PRKCA: variants seen among roughly 807,000 people sequenced by gnomAD.
The protein encoded by PRKCA is protein kinase C alpha type.
A neutral mutation model predicts 87.0 loss-of-function variants in PRKCA; 27 were observed. That is an observed-to-expected ratio of 0.31 (90% CI 0.23 to 0.43). PRKCA has a LOEUF of 0.43. Among genes scored for constraint, PRKCA ranks in the 20% least tolerant of loss-of-function variants. PRKCA has a pLI of 1.00. For missense variants in PRKCA, 518 were observed against 852.3 expected (o/e 0.61, Z 4.88); for synonymous variants, 329 against 311.1 (o/e 1.06, Z -0.61).
At chr17:66,764,996 T>TG (rs1288250854) in intron 13 of PRKCA, among the ~76,000 whole-genome samples, 4 of 152,104 alleles carry the variant, frequency 2.6e-5, no homozygotes, top group African/African-American at 9.7e-5. Flanking sequence ...TAGGAGCCGG[T>TG]GGAATTCAGA....
At chr17:66,309,318 C>T (rs1371284552) in intron 2 of PRKCA, among the ~76,000 whole-genome samples, 6 of 152,156 alleles carry the variant, frequency 3.9e-5, no homozygotes, top group Non-Finnish European at 8.8e-5. Context: ...TAGAGAATGG[C>T]ATCTTACAAG....
Position 66,803,968 on chromosome 17 carries a change from G to T in PRKCA, c.1950G>T (p.Gln650His), listed in dbSNP as rs1412397562. Reference sequence around the variant, plus strand: ...AGCTGGTTATTGCTAACATAGACCAGTCTGATTTTGAAGGGTTCTCGTATG... The same window carrying T: ...AGCTGGTTATTGCTAACATAGACCATTCTGATTTTGAAGGGTTCTCGTATG... ...PDQLVIANIDQSDFEGFSYVN... is the reference protein window; with the variant it reads ...PDQLVIANIDHSDFEGFSYVN... Residue 650 changes from glutamine to histidine, a missense_variant, in exon 17 of 17, where the codon CAG becomes CAT. Transcript: ENST00000413366. The surrounding 1 kb of genome is among the most constrained non-coding windows in gnomAD (Gnocchi z 4.4). 1.2e-6 allele frequency: 2 copies of T among 1,614,078 alleles called. No individual in the cohort carries two copies. Among genetic ancestry groups the T allele is most frequent in the Admixed American group, 3.3e-5 (2 of 60,022 alleles).
At chr17:66,460,744 C>T (rs1476897515) in intron 2 of PRKCA, among the ~76,000 whole-genome samples, 1 of 152,112 alleles carries the variant, frequency 6.6e-6, no homozygotes, top group Non-Finnish European at 1.5e-5. Flanking sequence ...AACTGCGTCC[C>T]CATTATTTGA....
Position 66,732,005 on chromosome 17 carries a change from G to A in PRKCA, c.919-683G>A, listed in dbSNP as rs545250453. On this transcript the variant is annotated intron_variant, in intron 8 of 16. Transcript: ENST00000413366. ...GGGTTTCACCATGTTGGCCAGGCTG[G>A]TCTCAAACTCCAGACCTCAGGTGAT... Among the ~76,000 whole-genome samples the A allele has an allele frequency of 3.3e-5, 5 of 151,106 alleles. No individual in the cohort carries two copies. In the East Asian group the frequency reaches 7.8e-4, roughly 24 times the overall value.
chr17:66,582,866 C>A (rs1002061032), intron 3 of PRKCA, among the ~76,000 whole-genome samples: 1 of 152,124 alleles, frequency 6.6e-6, no homozygotes, highest in Non-Finnish European at 1.5e-5. Context: ...TGCATTCCAC[C>A]CTCAGCTGAG....
intron 2 of PRKCA, among the ~76,000 whole-genome samples, chr17:66,372,687 A>C (rs755470983): frequency 6.6e-6 from 1 of 152,152 alleles, no homozygotes. Flanking sequence ...AATGAATTGA[A>C]TGGGGGAGCC....
At chr17:66,483,645 T>G (rs1439614304) in intron 2 of PRKCA, among the ~76,000 whole-genome samples, 1 of 151,892 alleles carries the variant, frequency 6.6e-6, no homozygotes, top group Non-Finnish European at 1.5e-5. Flanking sequence ...GTATTTTTAG[T>G]AGAGACAGGG....
chr17:66,711,217 C>G (rs985858543), intron 8 of PRKCA, among the ~76,000 whole-genome samples: 1 of 152,116 alleles, frequency 6.6e-6, no homozygotes, highest in Non-Finnish European at 1.5e-5. Flanking sequence ...TAATATCTTT[C>G]AATCACATAT....
intron 3 of PRKCA, among the ~76,000 whole-genome samples, chr17:66,596,788 A>T (rs1969994610): frequency 1.4e-5 from 1 of 71,100 alleles, no homozygotes; most frequent in Admixed American, 1.6e-4. Flanking sequence ...TGTCCATGTG[A>T]TCTCATTGTT....
At chr17:66,407,845 A>G (rs929799782) in intron 2 of PRKCA, among the ~76,000 whole-genome samples, 1 of 152,208 alleles carries the variant, frequency 6.6e-6, no homozygotes, top group African/African-American at 2.4e-5. Flanking sequence ...TTTATTCTTG[A>G]ACATTGCAAG....
chr17:66,435,433 T>C (rs1359528760), intron 2 of PRKCA, among the ~76,000 whole-genome samples: 1 of 152,208 alleles, frequency 6.6e-6, no homozygotes, highest in Non-Finnish European at 1.5e-5. Context: ...GTGGGTGTGA[T>C]GGTGCTTGTG....
chr17:66,384,010 A>G (rs1909913305), intron 2 of PRKCA, among the ~76,000 whole-genome samples: 1 of 152,110 alleles, frequency 6.6e-6, no homozygotes, highest in South Asian at 2.1e-4. Flanking sequence ...ATATTTAGGT[A>G]TGCTAGGACT....
chr17:66,551,094 ACT>A (rs201280144), intron 3 of PRKCA, among the ~76,000 whole-genome samples: 1,889 of 152,172 alleles, frequency 0.012, 12 homozygotes, highest in South Asian at 0.037. Flanking sequence ...ACAAGGTCTC[ACT>A]CTGTCACCCA....
intron 6 of PRKCA, among the ~76,000 whole-genome samples, chr17:66,687,751 C>T (rs1233326293): frequency 6.6e-6 from 1 of 152,166 alleles, no homozygotes. Context: ...CATTTAAAGC[C>T]AGCCTGGGAG....
intron 2 of PRKCA, among the ~76,000 whole-genome samples, chr17:66,352,548 G>GT (rs1907805076): frequency 1.8e-5 from 2 of 113,256 alleles, no homozygotes; most frequent in South Asian, 3.3e-4. Flanking sequence ...AATTTGTGGT[G>GT]TTTTTTGAGG....
chr17:66,638,919 T>C (rs1202680590), intron 3 of PRKCA, among the ~76,000 whole-genome samples: 1 of 151,996 alleles, frequency 6.6e-6, no homozygotes, highest in Non-Finnish European at 1.5e-5. Flanking sequence ...AACCAAAAGA[T>C]GAATTATCTT....
chr17:66,719,309 G>A (rs191671208), intron 8 of PRKCA, among the ~76,000 whole-genome samples: 1 of 152,252 alleles, frequency 6.6e-6, no homozygotes. Flanking sequence ...TTCACAATAA[G>A]CAAAGGGGAG....
At chr17:66,560,543 C>CT (rs11396591) in intron 3 of PRKCA, among the ~76,000 whole-genome samples, 1,988 of 152,212 alleles carry the variant, frequency 0.013, 43 homozygotes, top group African/African-American at 0.045. Context: ...TCCAGGCCAG[C>CT]TGCTGCATCT....
intron 2 of PRKCA, among the ~76,000 whole-genome samples, chr17:66,449,208 G>C (rs891596072): frequency 2.0e-4 from 30 of 152,168 alleles, no homozygotes; most frequent in African/African-American, 7.0e-4. Context: ...AGGATTGCTT[G>C]AGCCCAGGAG....
Sources: gnomAD v4.1 joint callset for allele counts (sites outside exome capture counted in the v4.1 genomes callset) on GRCh38, gnomAD v4.1.1 for gene constraint, Gnocchi (gnomAD v3.1) non-coding constraint, MANE v1.5 for transcripts, NCBI Gene and HGNC (gene_info 2026-07-23, HGNC 2026-07-21) for gene names.